Variants in INO80E observed in about 807,000 individuals in gnomAD.
INO80E encodes coiled-coil domain containing 95.
A neutral mutation model predicts 27.3 loss-of-function variants in INO80E; 20 were observed. The ratio of observed to expected loss-of-function variants is 0.73; its 90% CI spans 0.51 to 1.06. The LOEUF (loss-of-function observed/expected upper bound fraction) is 1.06, where lower values mean the gene tolerates loss of function less well. Among genes scored for constraint, INO80E ranks in the 50% least tolerant of loss-of-function variants. The pLI is 0.00. For missense variants in INO80E, 357 were observed against 322.8 expected (o/e 1.11, Z -0.81); for synonymous variants, 167 against 145.9 (o/e 1.14, Z -1.04).
chr16:30,002,292 G>A (rs1333972642), intron 6 of INO80E: 1 of 152,464 alleles, frequency 6.6e-6, no homozygotes, highest in African/African-American at 2.4e-5. Context: ...ATTGGGTCCC[G>A]GAGCAGGTCA....
Position 30,005,331 on chromosome 16 carries a change from G to GCCCCCCCCCCCCC in INO80E, c.633_634insCCCCCCCCCCCCC (p.Thr212ProfsTer20). Reference sequence around the variant, plus strand: ...TGACCCCCCTCCCACCCCCTAAGATGCCCCCCCCCACGATCCTGAGCACGG... The same window carrying GCCCCCCCCCCCCC: ...TGACCCCCCTCCCACCCCCTAAGATGCCCCCCCCCCCCCCCCCCCCCCACGATCCTGAGCACGG... On this transcript the variant is annotated frameshift_variant, in exon 7 of 7. Transcript: ENST00000563197. LOFTEE classifies it high-confidence loss of function. 2 of 1,071,844 alleles carry GCCCCCCCCCCCCC rather than the reference G, an allele frequency of 1.9e-6. No individual in the cohort carries two copies. The highest frequency in any genetic ancestry group is 2.3e-6 in the Non-Finnish European group (2 of 877,558). 66.4% of individuals were successfully genotyped at this position (1,071,844 alleles called of 1,614,324 possible).
chr16:30,001,301 C>T (rs557026721), intron 5 of INO80E, 113 bp from the exon 6 acceptor site: 37 of 1,499,206 alleles, frequency 2.5e-5, no homozygotes, highest in African/African-American at 2.2e-4. Context: ...CCCCGGGAGC[C>T]GCACTCATCA....
chr16:30,005,308 A>ATC lies in INO80E; in HGVS notation c.601_602insTC (p.Thr201IlefsTer15). 3 of 521,328 alleles carry ATC rather than the reference A, an allele frequency of 5.8e-6. No homozygotes were observed. The highest frequency in any genetic ancestry group is 2.7e-5 in the South Asian group (1 of 37,004). 32.3% of individuals were successfully genotyped at this position (521,328 alleles called of 1,614,324 possible). The stretch of plus-strand genomic sequence containing the variant: ...TGGGGCTGGGGTCGGGACAACCCTG[A>ATC]CCCCCCTCCCACCCCCTAAGATGCC... On this transcript the variant is annotated frameshift_variant, in exon 7 of 7. Coordinates refer to ENST00000563197, the MANE Select transcript of INO80E (RefSeq NM_173618.3). LOFTEE classifies it high-confidence loss of function.
chr16:30,001,864 GAGTCA>G (rs1414182403), intron 6 of INO80E: 1 of 284,808 alleles, frequency 3.5e-6, no homozygotes, highest in African/African-American at 2.2e-5. Flanking sequence ...ATGGGATCTA[GAGTCA>G]AGTCAAGACT....
rs748998325 is a variant in INO80E, at chr16:29,996,561, C to T, written c.96C>T (p.Phe32=). Residue 32 remains phenylalanine, a synonymous_variant, in exon 2 of 7, where the codon TTC becomes TTT. Coordinates refer to ENST00000563197, the MANE Select transcript of INO80E (RefSeq NM_173618.3). Reference sequence around the variant, plus strand: ...CCGTGATACAGGAGCACGAGTGCTTCCAGGAGGAGCTGAGGAAAGCGCAAA... The same window carrying T: ...CCGTGATACAGGAGCACGAGTGCTTTCAGGAGGAGCTGAGGAAAGCGCAAA... The part of the protein sequence containing the change: ...LKFLIYEHEC[F]QEELRKAQRK... The T allele has an allele frequency of 2.6e-6, 4 of 1,567,796 alleles. No homozygotes were observed. In the South Asian group the frequency reaches 4.7e-5, roughly 18 times the overall value.
At position 30,003,532 on chromosome 16, in the gene INO80E, TTC is replaced by T. The variant is rs1045498844; in HGVS notation, c.514-1687_514-1686del. The T allele has an allele frequency of 2.0e-5, 3 of 152,124 alleles. No individual in the cohort carries two copies. Among genetic ancestry groups the T allele is most frequent in the African/African-American group, 4.8e-5 (2 of 41,372 alleles). 9.4% of individuals were successfully genotyped at this position (152,124 alleles called of 1,614,324 possible). On this transcript the variant is annotated intron_variant, in intron 6 of 6. Coordinates refer to ENST00000563197, the MANE Select transcript of INO80E (RefSeq NM_173618.3). This position sits in a 1 kb window ranked among gnomAD's most constrained non-coding sequence, Gnocchi z 4.4. Reference sequence around the variant, plus strand: ...AGCTGTGAAGACAGAAGCAGGTTGGTTCTGTCAGGCCTGAGTTGGACTTGGCC... The same window carrying T: ...AGCTGTGAAGACAGAAGCAGGTTGGTTGTCAGGCCTGAGTTGGACTTGGCC...
Position 30,005,500 on chromosome 16 carries a change from C to T in INO80E, c.*58C>T. The T allele has an allele frequency of 6.8e-7, 1 of 1,465,162 alleles. No homozygotes were observed. Among genetic ancestry groups the T allele is most frequent in the Non-Finnish European group, 9.3e-7 (1 of 1,071,694 alleles). The allele number at this position is 1,465,162 out of a possible 1,614,324, so 90.8% of individuals were successfully genotyped here. On this transcript the variant is annotated 3_prime_UTR_variant, in exon 7 of 7. Transcript: ENST00000563197. ...GCCCGGCGCCCTCCCCGTGCCAGCA[C>T]ACACGAGTCCAGCTTCCTCGGAGGT... is the stretch of plus-strand genomic sequence containing the variant.
intron 3 of INO80E, among the ~76,000 whole-genome samples, chr16:29,997,184 G>A (rs761159205): frequency 1.7e-4 from 26 of 152,284 alleles, no homozygotes; most frequent in Middle Eastern, 3.4e-3. Flanking sequence ...AGGACTTGAA[G>A]GTAATGAAAA....
At chr16:30,000,055 C>T (rs1421014951) in intron 3 of INO80E, among the ~76,000 whole-genome samples, 2 of 152,144 alleles carry the variant, frequency 1.3e-5, no homozygotes, top group East Asian at 3.8e-4. Context: ...CATCAAACAG[C>T]CAAGGAGTCA....
chr16:29,997,814 C>T (rs1187527960), intron 3 of INO80E, among the ~76,000 whole-genome samples: 1 of 150,830 alleles, frequency 6.6e-6, no homozygotes, highest in Admixed American at 6.6e-5. Flanking sequence ...AGCAGGCAAC[C>T]TCTGAATGGA....
At position 29,996,415 on chromosome 16, in the gene INO80E, G is replaced by C. The variant is rs367660854; in HGVS notation, c.81+24G>C. 8.3e-6 allele frequency: 13 copies of C among 1,573,612 alleles called. 1 individual carries two copies. In the Middle Eastern group the frequency reaches 8.3e-4, roughly 100 times the overall value. ...ACGTGAGTGCTGCCGCGGGAAGGCTGTGGGGGATGAGGCCTGGCGCGGACA... is the reference window on the plus strand; with the variant it reads ...ACGTGAGTGCTGCCGCGGGAAGGCTCTGGGGGATGAGGCCTGGCGCGGACA... On this transcript the variant is annotated intron_variant, in intron 1 of 6. Transcript: ENST00000563197.
Position 30,001,017 on chromosome 16 carries a change from G to A in INO80E, c.373G>A (p.Val125Ile). 6.4e-7 allele frequency: 1 copy of A among 1,551,358 alleles called. No homozygotes were observed. Among genetic ancestry groups the A allele is most frequent in the Non-Finnish European group, 8.7e-7 (1 of 1,147,698 alleles). Residue 125 changes from valine (V) to isoleucine (I), a missense_variant, in exon 5 of 7, where the codon GTC (valine) becomes ATC (isoleucine). Val to Ile is a conservative substitution (Grantham distance 29). Coordinates refer to ENST00000563197, the MANE Select transcript of INO80E (RefSeq NM_173618.3). ...AGGGTTTCCCCTTCAGGCCTCCGGG[G>A]TCCCCTCCCCATACCTGAGCTCGGT... is the stretch of plus-strand genomic sequence containing the variant. The part of the protein sequence containing the change: ...STGFPLQASG[V>I]PSPYLSSLAS...
chr16:30,000,924 T>C lies in INO80E; in HGVS notation c.285-5T>C. On this transcript the variant is annotated splice_region_variant and splice_polypyrimidine_tract_variant and intron_variant, in intron 4 of 6. Transcript: ENST00000563197. The stretch of plus-strand genomic sequence containing the variant: ...ACATCTGACCTCGCCCTGTCCTTTC[T>C]CCAGGAAGAGAAGCCCTCCGCTGGG... The C allele has an allele frequency of 6.2e-7, 1 of 1,602,588 alleles. No homozygotes were observed. The highest frequency in any genetic ancestry group is 8.5e-7 in the Non-Finnish European group (1 of 1,171,584).
At chr16:30,002,706 C>G (rs1469526715) in intron 6 of INO80E, 3 of 152,258 alleles carry the variant, frequency 2.0e-5, no homozygotes, top group Non-Finnish European at 4.4e-5. Flanking sequence ...AAAACTGAGT[C>G]TGGCCGCGGA....
Position 30,005,308 on chromosome 16 carries a change from A to ACCCCCCCCCCCCCCCCCCC in INO80E, c.607_608insCCCCCCCCCCCCCCCCCCC (p.Leu203ProfsTer11). ...TGGGGCTGGGGTCGGGACAACCCTGACCCCCCTCCCACCCCCTAAGATGCC... is the reference window on the plus strand; with the variant it reads ...TGGGGCTGGGGTCGGGACAACCCTGACCCCCCCCCCCCCCCCCCCCCCCCCTCCCACCCCCTAAGATGCC... On this transcript the variant is annotated frameshift_variant, in exon 7 of 7. Transcript: ENST00000563197. LOFTEE classifies it high-confidence loss of function. 1.9e-6 allele frequency: 1 copy of ACCCCCCCCCCCCCCCCCCC among 521,332 alleles called. No homozygotes were observed. The highest frequency in any genetic ancestry group is 3.0e-6 in the Non-Finnish European group (1 of 335,732). The allele number at this position is 521,332 out of a possible 1,614,324, so 32.3% of individuals were successfully genotyped here.
chr16:29,996,725 T>C, intron 2 of INO80E, 83 bp from the exon 3 acceptor site: 1 of 1,591,630 alleles, frequency 6.3e-7, no homozygotes, highest in Non-Finnish European at 8.6e-7. Flanking sequence ...AAGTATCCGA[T>C]GGGCCAGCTG....
chr16:30,004,918 C>A (rs2070499705), intron 6 of INO80E, among the ~76,000 whole-genome samples: 1 of 152,162 alleles, frequency 6.6e-6, no homozygotes, highest in Admixed American at 6.5e-5. Context: ...TCTGGCTTAA[C>A]CCCTGTCTCA....
Position 30,005,309 on chromosome 16 carries a change from C to CG in INO80E, c.602_603insG (p.Leu203ProfsTer5). 1 of 529,316 alleles carries CG rather than the reference C, an allele frequency of 1.9e-6. No individual in the cohort carries two copies. Among genetic ancestry groups the CG allele is most frequent in the Non-Finnish European group, 2.9e-6 (1 of 339,824 alleles). The allele number at this position is 529,316 out of a possible 1,614,324, so 32.8% of individuals were successfully genotyped here. ...GGGGCTGGGGTCGGGACAACCCTGA[C>CG]CCCCCTCCCACCCCCTAAGATGCCC... On this transcript the variant is annotated frameshift_variant, in exon 7 of 7. Transcript: ENST00000563197. LOFTEE classifies it high-confidence loss of function.
intron 3 of INO80E, among the ~76,000 whole-genome samples, chr16:30,000,453 C>G (rs1192531555): frequency 6.6e-6 from 1 of 152,158 alleles, no homozygotes; most frequent in Non-Finnish European, 1.5e-5. Context: ...TCACTGCAGT[C>G]TCAATCTCCG....
Sources: gnomAD v4.1 joint callset for allele counts (sites outside exome capture counted in the v4.1 genomes callset) on GRCh38, gnomAD v4.1.1 for gene constraint, Gnocchi (gnomAD v3.1) non-coding constraint, MANE v1.5 for transcripts, NCBI Gene and HGNC (gene_info 2026-07-23, HGNC 2026-07-21) for gene names.